PTN: variants seen among roughly 807,000 people sequenced by gnomAD.
PTN encodes the protein heparin affin regulatory protein.
In PTN, 18 loss-of-function variants were observed where a neutral mutation model predicts 24.1. The observed-to-expected ratio is 0.75, with a 90% CI of 0.52 to 1.11. The LOEUF (loss-of-function observed/expected upper bound fraction) is 1.11, where lower values mean the gene tolerates loss of function less well. Ranked by LOEUF, PTN falls within the 50% of genes least tolerant of loss-of-function variation. The pLI is 0.00. For missense variants in PTN, 163 were observed against 198.8 expected, an observed-to-expected ratio of 0.82 and a Z score of 1.08; for synonymous variants, 78 against 68.6, an observed-to-expected ratio of 1.14 and a Z score of -0.67.
At chr7:137,253,351 TG>T in intron 3 of PTN, 112 bp downstream of exon 3, 1 of 1,153,232 alleles carries the variant, frequency 8.7e-7, no homozygotes, top group Non-Finnish European at 1.2e-6. Context: ...ACTTTGTGTC[TG>T]GTAAGATAAA....
At chr7:137,276,271 T>G (rs1809357278) in intron 1 of PTN, among the ~76,000 whole-genome samples, 1 of 152,180 alleles carries the variant, frequency 6.6e-6, no homozygotes. Flanking sequence ...AATTGATTAT[T>G]GCAAGGCAAG....
intron 1 of PTN, among the ~76,000 whole-genome samples, chr7:137,313,078 C>CA (rs1810010509): frequency 1.2e-4 from 1 of 8,378 alleles, no homozygotes; most frequent in African/African-American, 1.4e-4. Flanking sequence ...CTTCTCGTTC[C>CA]CCCCTCTCAT....
intron 4 of PTN, among the ~76,000 whole-genome samples, chr7:137,234,844 G>A (rs556499967): frequency 2.0e-5 from 3 of 152,118 alleles, no homozygotes; most frequent in Non-Finnish European, 4.4e-5. Context: ...CAGATTGAGG[G>A]GAGCCCAGAT....
intron 1 of PTN, among the ~76,000 whole-genome samples, chr7:137,296,679 T>C (rs1396115581): frequency 6.6e-6 from 1 of 152,124 alleles, no homozygotes; most frequent in African/African-American, 2.4e-5. Flanking sequence ...GATTTCACAC[T>C]GCATAAGTTG....
intron 1 of PTN, among the ~76,000 whole-genome samples, chr7:137,329,257 T>C (rs1810310926): frequency 6.6e-6 from 1 of 152,188 alleles, no homozygotes; most frequent in South Asian, 2.1e-4. Context: ...TGCTGGTGAA[T>C]TGTGCTCAGA....
intron 1 of PTN, among the ~76,000 whole-genome samples, chr7:137,289,615 C>T (rs925511816): frequency 2.0e-5 from 3 of 151,930 alleles, no homozygotes; most frequent in Admixed American, 6.6e-5. Context: ...GGGAGCTGGC[C>T]CAAGGAAATT....
At chr7:137,292,818 A>G (rs574681000) in intron 1 of PTN, among the ~76,000 whole-genome samples, 2 of 152,328 alleles carry the variant, frequency 1.3e-5, no homozygotes, top group African/African-American at 4.8e-5. Context: ...TGGGACGCAC[A>G]GAAAAGGAGG....
At chr7:137,292,341 A>G (rs1349197931) in intron 1 of PTN, among the ~76,000 whole-genome samples, 2 of 152,166 alleles carry the variant, frequency 1.3e-5, no homozygotes, top group African/African-American at 2.4e-5. Context: ...GAATTGTAGT[A>G]ATTCCCATGT....
intron 4 of PTN, among the ~76,000 whole-genome samples, chr7:137,238,957 G>A (rs1430805277): frequency 4.6e-5 from 7 of 152,196 alleles, no homozygotes; most frequent in Non-Finnish European, 7.4e-5. Flanking sequence ...AGGAGGTCCC[G>A]AAACCCAATA....
Position 137,283,952 on chromosome 7 carries a change from A to ATTTTTTTTTTTTTTTTTTTTTT in PTN, c.-1-29000_-1-28979dup, listed in dbSNP as rs753374720. 8.2e-5 allele frequency among the ~76,000 whole-genome samples: 4 copies of ATTTTTTTTTTTTTTTTTTTTTT among 48,922 alleles called. 1 individual carries two copies. Among genetic ancestry groups the ATTTTTTTTTTTTTTTTTTTTTT allele is most frequent in the Admixed American group, 3.6e-4 (1 of 2,802 alleles). 32.1% of individuals were successfully genotyped at this position (48,922 alleles called of 152,430 possible). A position where few individuals can be genotyped will look rare whatever the true frequency, so the allele number is the denominator to read the frequency against. ...AAATGAATGTGAAAATGAGCATCAG[A>ATTTTTTTTTTTTTTTTTTTTTT]TTTTTTTTTTTTTTTTTTTTTTTTT... On this transcript the variant is annotated intron_variant, in intron 1 of 4. Coordinates refer to ENST00000348225, the MANE Select transcript of PTN (RefSeq NM_002825.7).
In PTN at chr7:137,283,952, A is replaced by ATTTTTT. The variant is rs753374720; in HGVS notation, c.-1-28984_-1-28979dup. Among the ~76,000 whole-genome samples, 309 of 48,916 alleles carry ATTTTTT rather than the reference A, an allele frequency of 6.3e-3. 74 individuals are homozygous for ATTTTTT. Among genetic ancestry groups the ATTTTTT allele is most frequent in the East Asian group, 0.01 (13 of 1,292 alleles). 32.1% of individuals were successfully genotyped at this position (48,916 alleles called of 152,430 possible). A position where few individuals can be genotyped will look rare whatever the true frequency, so the allele number is the denominator to read the frequency against. ...AAATGAATGTGAAAATGAGCATCAG[A>ATTTTTT]TTTTTTTTTTTTTTTTTTTTTTTTT... On this transcript the variant is annotated intron_variant, in intron 1 of 4. Transcript: ENST00000348225.
intron 1 of PTN, among the ~76,000 whole-genome samples, chr7:137,258,653 C>CA (rs1270437210): frequency 6.6e-6 from 1 of 152,116 alleles, no homozygotes; most frequent in Non-Finnish European, 1.5e-5. Context: ...AAACAATACC[C>CA]AACTAGCCTG....
intron 1 of PTN, among the ~76,000 whole-genome samples, chr7:137,268,156 G>A (rs951774293): frequency 3.9e-5 from 6 of 151,990 alleles, no homozygotes; most frequent in Non-Finnish European, 8.8e-5. Flanking sequence ...GATCCTCCAC[G>A]GGGGCCTGCC....
At chr7:137,304,624 G>T (rs1809858232) in intron 1 of PTN, among the ~76,000 whole-genome samples, 1 of 152,010 alleles carries the variant, frequency 6.6e-6, no homozygotes, top group African/African-American at 2.4e-5. Context: ...AATGCAAGCT[G>T]CAAGTTCTCA....
chr7:137,338,319 T>C (rs1385877722), intron 1 of PTN, among the ~76,000 whole-genome samples: 1 of 152,228 alleles, frequency 6.6e-6, no homozygotes, highest in Non-Finnish European at 1.5e-5. Flanking sequence ...ATATTGATTC[T>C]AAATAAACTC....
intron 1 of PTN, among the ~76,000 whole-genome samples, chr7:137,277,095 G>C (rs961504524): frequency 1.3e-5 from 2 of 152,116 alleles, no homozygotes; most frequent in African/African-American, 4.8e-5. Flanking sequence ...CAAGTCAATG[G>C]TAATAAGAAC....
chr7:137,313,297 A>C (rs1410045490), intron 1 of PTN, among the ~76,000 whole-genome samples: 1 of 152,134 alleles, frequency 6.6e-6, no homozygotes, highest in Non-Finnish European at 1.5e-5. Flanking sequence ...AAAAAGAAAT[A>C]ACAACTACAT....
At chr7:137,249,654 A>G (rs1215547486) in intron 4 of PTN, among the ~76,000 whole-genome samples, 1 of 152,154 alleles carries the variant, frequency 6.6e-6, no homozygotes, top group Non-Finnish European at 1.5e-5. Context: ...CCATTTTTGG[A>G]AATGTTTCAC....
At chr7:137,327,448 T>C (rs1398523676) in intron 1 of PTN, among the ~76,000 whole-genome samples, 1 of 152,110 alleles carries the variant, frequency 6.6e-6, no homozygotes, top group Non-Finnish European at 1.5e-5. Flanking sequence ...ATCATCTCTT[T>C]GGCTTTCCTC....
Sources: gnomAD v4.1 joint callset for allele counts (sites outside exome capture counted in the v4.1 genomes callset) on GRCh38, gnomAD v4.1.1 for gene constraint, MANE v1.5 for transcripts, NCBI Gene and HGNC (gene_info 2026-07-23, HGNC 2026-07-21) for gene names.